CLIC5: variants seen among roughly 807,000 people sequenced by gnomAD.
CLIC5 encodes the protein chloride intracellular channel protein 5.
A neutral mutation model predicts 24.7 loss-of-function variants in CLIC5; 20 were observed. The observed-to-expected ratio is 0.81, with a 90% CI of 0.57 to 1.18. The LOEUF (loss-of-function observed/expected upper bound fraction) is 1.18. Ranked by LOEUF, CLIC5 falls within the 50% of genes most tolerant of loss-of-function variation. The pLI, the probability that CLIC5 is intolerant of heterozygous loss-of-function variation, is 0.00. For synonymous variants in CLIC5, 159 were observed against 135.6 expected (o/e 1.17, Z -1.20); for missense variants, 341 against 326.1 (o/e 1.05, Z -0.35).
intron 1 of CLIC5, among the ~76,000 whole-genome samples, chr6:46,004,135 G>A (rs897484332): frequency 1.3e-5 from 2 of 152,204 alleles, no homozygotes; most frequent in African/African-American, 4.8e-5. Context: ...ATGGGGAATC[G>A]ATGTCATACA....
At chr6:45,997,726 C>A (rs1766202976) in intron 1 of CLIC5, among the ~76,000 whole-genome samples, 1 of 152,192 alleles carries the variant, frequency 6.6e-6, no homozygotes, top group Non-Finnish European at 1.5e-5. Flanking sequence ...AAAGAAAGAA[C>A]CAATTTCCTG....
At chr6:46,074,884 C>A (rs1762724759) in intron 1 of CLIC5, among the ~76,000 whole-genome samples, 2 of 152,300 alleles carry the variant, frequency 1.3e-5, no homozygotes, top group East Asian at 1.9e-4. Context: ...ACATTTTATG[C>A]AAAAGTATTG....
At chr6:46,086,031 C>T in the CLIC5 span, among the ~76,000 whole-genome samples, 5 of 152,202 alleles carry the variant, frequency 3.3e-5, no homozygotes, top group African/African-American at 4.8e-5. Flanking sequence ...ACTCCGTGGG[C>T]GTAGGACCCT....
chr6:46,091,284 T>C, the CLIC5 span, among the ~76,000 whole-genome samples: 2 of 152,200 alleles, frequency 1.3e-5, no homozygotes, highest in Non-Finnish European at 2.9e-5. Context: ...GCCACCACCA[T>C]GTTACTCTCA....
At chr6:46,060,589 C>T (rs1284724832) in intron 1 of CLIC5, among the ~76,000 whole-genome samples, 2 of 152,160 alleles carry the variant, frequency 1.3e-5, no homozygotes, top group Non-Finnish European at 2.9e-5. Flanking sequence ...TGAACCCACA[C>T]GCTCTTGCTT....
At chr6:45,928,284 T>G (rs1763580404) in intron 4 of CLIC5, among the ~76,000 whole-genome samples, 2 of 152,228 alleles carry the variant, frequency 1.3e-5, no homozygotes, top group Non-Finnish European at 2.9e-5. Flanking sequence ...GTTTAAAAGC[T>G]GAGAAATGCT....
chr6:46,089,905 A>G, the CLIC5 span, among the ~76,000 whole-genome samples: 3 of 152,140 alleles, frequency 2.0e-5, no homozygotes, highest in Non-Finnish European at 4.4e-5. Context: ...TGATGATTAC[A>G]TTTTGCAGTA....
intron 1 of CLIC5, among the ~76,000 whole-genome samples, chr6:45,974,435 G>A (rs577878498): frequency 1.4e-5 from 2 of 148,136 alleles, no homozygotes; most frequent in East Asian, 4.1e-4. Flanking sequence ...ATGGTAAATA[G>A]GAGACTCAAC....
At chr6:46,124,343 T>C in the CLIC5 span, among the ~76,000 whole-genome samples, 24 of 152,246 alleles carry the variant, frequency 1.6e-4, no homozygotes, top group African/African-American at 4.3e-4. Flanking sequence ...AAGGATTCCC[T>C]ATTTAACAAA....
In CLIC5 at chr6:46,015,859, G is replaced by C; in HGVS notation, c.-317C>G. ...GGTGTCACAGGATCCGCGACTGTCA[G>C]CGATCCCGCCGCCGCCAACGCGCCC... On this transcript the variant is annotated 5_prime_UTR_variant, in exon 1 of 6. Transcript: ENST00000339561. 2 of 1,094,030 alleles carry C rather than the reference G, an allele frequency of 1.8e-6. No individual in the cohort carries two copies. The highest frequency in any genetic ancestry group is 2.2e-6 in the Non-Finnish European group (2 of 899,794). The allele number at this position is 1,094,030 out of a possible 1,614,324, so 67.8% of individuals were successfully genotyped here.
At chr6:45,974,323 T>G (rs898277280) in intron 1 of CLIC5, among the ~76,000 whole-genome samples, 1 of 151,748 alleles carries the variant, frequency 6.6e-6, no homozygotes, top group African/African-American at 2.4e-5. Context: ...CATGTGCATA[T>G]AAGGGCTCTG....
At chr6:46,003,933 C>T (rs996061464) in intron 1 of CLIC5, among the ~76,000 whole-genome samples, 32 of 152,170 alleles carry the variant, frequency 2.1e-4, no homozygotes, top group Non-Finnish European at 3.8e-4. Flanking sequence ...CATGCAGCCC[C>T]TGACAAATCA....
chr6:45,927,554 C>A (rs75993857), intron 4 of CLIC5, among the ~76,000 whole-genome samples: 21 of 152,286 alleles, frequency 1.4e-4, no homozygotes, highest in African/African-American at 3.4e-4. Flanking sequence ...ATCTTGCCTC[C>A]CCCCTTCTAC....
chr6:46,068,731 G>A (rs936815716), intron 1 of CLIC5, among the ~76,000 whole-genome samples: 5 of 152,120 alleles, frequency 3.3e-5, no homozygotes, highest in Admixed American at 6.6e-5. Context: ...TATAAGAAGA[G>A]AAGATTAGGA....
chr6:45,924,171 C>T (rs561181852), intron 4 of CLIC5, among the ~76,000 whole-genome samples: 17 of 152,332 alleles, frequency 1.1e-4, no homozygotes, highest in African/African-American at 3.8e-4. Context: ...CAGTAAACAT[C>T]GTGCTTGACT....
chr6:46,101,101 C>A, the CLIC5 span, among the ~76,000 whole-genome samples: 1 of 152,208 alleles, frequency 6.6e-6, no homozygotes, highest in Non-Finnish European at 1.5e-5. Flanking sequence ...CTGGGGTCTG[C>A]ATGTACCCTG....
chr6:45,946,445 C>T (rs1010112398), intron 3 of CLIC5, among the ~76,000 whole-genome samples: 2 of 152,194 alleles, frequency 1.3e-5, no homozygotes, highest in African/African-American at 2.4e-5. Flanking sequence ...GTGGTTTTCT[C>T]CTTTAAAAAA....
chr6:46,020,625 C>T (rs1229641166), upstream of CLIC5, among the ~76,000 whole-genome samples: 1 of 151,310 alleles, frequency 6.6e-6, no homozygotes, highest in African/African-American at 2.4e-5. Context: ...TAGAGAAAAT[C>T]AATAATACTA....
chr6:45,993,904 G>A (rs1766034656), intron 1 of CLIC5, among the ~76,000 whole-genome samples: 1 of 152,200 alleles, frequency 6.6e-6, no homozygotes, highest in East Asian at 1.9e-4. Flanking sequence ...TTCATGGGAA[G>A]CTCACCACCT....
Sources: gnomAD v4.1 joint callset for allele counts (sites outside exome capture counted in the v4.1 genomes callset) on GRCh38, gnomAD v4.1.1 for gene constraint, MANE v1.5 for transcripts, NCBI Gene and HGNC (gene_info 2026-07-23, HGNC 2026-07-21) for gene names.